The following SNTG1 variants were observed in gnomAD, a reference collection of about 807,000 sequenced individuals.
The protein encoded by SNTG1 is gamma-1-syntrophin.
In SNTG1, 39 loss-of-function variants were observed where a neutral mutation model predicts 74.7. The observed-to-expected ratio is 0.52, with a 90% CI of 0.40 to 0.68. SNTG1 has a LOEUF of 0.68. Among genes scored for constraint, SNTG1 ranks in the 30% least tolerant of loss-of-function variants. SNTG1 has a pLI of 0.00. For missense variants in SNTG1, 685 were observed against 609.5 expected, an observed-to-expected ratio of 1.12 and a Z score of -1.30; for synonymous variants, 254 against 217.1, an observed-to-expected ratio of 1.17 and a Z score of -1.49.
At chr8:50,375,924 A>G (rs1053101913) in intron 2 of SNTG1, among the ~76,000 whole-genome samples, 3 of 152,190 alleles carry the variant, frequency 2.0e-5, no homozygotes, top group Non-Finnish European at 4.4e-5. Context: ...AAGTGACAAG[A>G]AAAAGGAAAA....
At chr8:50,128,862 A>G (rs945651719) in intron 1 of SNTG1, among the ~76,000 whole-genome samples, 1 of 152,120 alleles carries the variant, frequency 6.6e-6, no homozygotes, top group Non-Finnish European at 1.5e-5. Flanking sequence ...ATATCAATAT[A>G]TACTCATAAT....
intron 2 of SNTG1, among the ~76,000 whole-genome samples, chr8:50,339,395 A>T (rs2091251099): frequency 6.6e-6 from 1 of 152,034 alleles, no homozygotes; most frequent in Non-Finnish European, 1.5e-5. Flanking sequence ...GATCTTGTTT[A>T]TATTTAATTT....
At chr8:50,078,047 C>T (rs1441401992) in intron 1 of SNTG1, among the ~76,000 whole-genome samples, 1 of 152,014 alleles carries the variant, frequency 6.6e-6, no homozygotes. Context: ...GGGACTTTCC[C>T]AATTTAATTG....
chr8:50,751,864 T>A, intron 17 of SNTG1, 137 bp from the exon 18 acceptor site: 2 of 454,138 alleles, frequency 4.4e-6, no homozygotes, highest in East Asian at 7.4e-5. Context: ...TAAATATTTT[T>A]AAATTTCATT....
intron 15 of SNTG1, among the ~76,000 whole-genome samples, chr8:50,683,882 T>C (rs541116904): frequency 7.6e-4 from 116 of 152,324 alleles, no homozygotes; most frequent in African/African-American, 2.7e-3. Flanking sequence ...CTCAAGGATA[T>C]AAAAGGTTAC....
intron 15 of SNTG1, among the ~76,000 whole-genome samples, chr8:50,685,407 CT>C (rs755423399): frequency 6.6e-6 from 1 of 151,942 alleles, no homozygotes; most frequent in Non-Finnish European, 1.5e-5. Context: ...ATTTCCAAGC[CT>C]AAAATTGCTA....
chr8:50,613,494 C>G (rs1638665804), intron 13 of SNTG1, among the ~76,000 whole-genome samples: 2 of 152,078 alleles, frequency 1.3e-5, no homozygotes, highest in African/African-American at 4.8e-5. Context: ...AGTACAGAGA[C>G]AGAATGCAGG....
chr8:50,638,291 T>A (rs1179545364), intron 13 of SNTG1, among the ~76,000 whole-genome samples: 1 of 152,144 alleles, frequency 6.6e-6, no homozygotes, highest in Non-Finnish European at 1.5e-5. Context: ...AATACATTTG[T>A]GCTGTTATAA....
intron 2 of SNTG1, among the ~76,000 whole-genome samples, chr8:50,366,144 A>G (rs1266315858): frequency 1.3e-5 from 2 of 152,284 alleles, no homozygotes; most frequent in East Asian, 3.9e-4. Flanking sequence ...AAAGCATGAA[A>G]CATTGGGATC....
intron 8 of SNTG1, among the ~76,000 whole-genome samples, chr8:50,478,061 C>A (rs2093710713): frequency 6.6e-6 from 1 of 152,118 alleles, no homozygotes; most frequent in African/African-American, 2.4e-5. Context: ...AGCTCTCCTC[C>A]TCTCCTATAG....
At chr8:50,250,790 A>C (rs1347157061) in intron 2 of SNTG1, among the ~76,000 whole-genome samples, 2 of 152,150 alleles carry the variant, frequency 1.3e-5, no homozygotes, top group Non-Finnish European at 2.9e-5. Flanking sequence ...AGACCTTCGC[A>C]GACAAGCAAA....
chr8:50,130,053 G>A (rs1315924333), intron 1 of SNTG1, among the ~76,000 whole-genome samples: 1 of 152,102 alleles, frequency 6.6e-6, no homozygotes, highest in Non-Finnish European at 1.5e-5. Context: ...ATGTGAATGT[G>A]AAAAAGAAAC....
chr8:50,706,467 A>C (rs2095443728), intron 16 of SNTG1, among the ~76,000 whole-genome samples: 2 of 152,104 alleles, frequency 1.3e-5, no homozygotes. Context: ...CTACATGGTA[A>C]TTTTAACATT....
At chr8:50,155,254 A>G (rs1201674741) in intron 1 of SNTG1, among the ~76,000 whole-genome samples, 2 of 152,234 alleles carry the variant, frequency 1.3e-5, no homozygotes, top group Non-Finnish European at 2.9e-5. Context: ...GATAGAGAGT[A>G]CAAAATTAGA....
Position 50,760,455 on chromosome 8 carries a change from A to C in SNTG1, c.1395+8344A>C, listed in dbSNP as rs1563814423. On this transcript the variant is annotated intron_variant, in intron 18 of 18. Transcript: ENST00000642720. ...AATGCTTCTAGGTTTTTGCCCATTT[A>C]GTATGATATTGGTTGTGGGTTTGTC... 9.9e-5 allele frequency among the ~76,000 whole-genome samples: 15 copies of C among 152,132 alleles called. No homozygotes were observed. The South Asian group carries it at 2.9e-3, about 29-fold the overall frequency.
intron 2 of SNTG1, among the ~76,000 whole-genome samples, chr8:50,186,117 G>A (rs1044432724): frequency 6.6e-6 from 1 of 152,102 alleles, no homozygotes; most frequent in African/African-American, 2.4e-5. Flanking sequence ...CTGTTCCTGT[G>A]TTAGTTTGCT....
chr8:50,631,179 T>C (rs1423939789), intron 13 of SNTG1, among the ~76,000 whole-genome samples: 1 of 152,212 alleles, frequency 6.6e-6, no homozygotes, highest in Non-Finnish European at 1.5e-5. Context: ...AAAGCAATGT[T>C]TCCAGTAGAA....
chr8:50,138,657 AT>A (rs2081559052), intron 1 of SNTG1, among the ~76,000 whole-genome samples: 1 of 148,830 alleles, frequency 6.7e-6, no homozygotes, highest in African/African-American at 2.5e-5. Context: ...AATAATAATA[AT>A]AATAATAATA....
At chr8:50,020,184 C>T (rs971438667) in intron 1 of SNTG1, among the ~76,000 whole-genome samples, 5 of 152,142 alleles carry the variant, frequency 3.3e-5, no homozygotes, top group Admixed American at 2.0e-4. Flanking sequence ...AAATGTTTTG[C>T]TTTGATGTAA....
Sources: gnomAD v4.1 joint callset for allele counts (sites outside exome capture counted in the v4.1 genomes callset) on GRCh38, gnomAD v4.1.1 for gene constraint, MANE v1.5 for transcripts, NCBI Gene and HGNC (gene_info 2026-07-23, HGNC 2026-07-21) for gene names.